SHROOM3: variants seen among roughly 807,000 people sequenced by gnomAD.
SHROOM3 encodes shroom family member 3.
SHROOM3 carries 47 observed loss-of-function variants against 138.6 expected under a neutral mutation model. That is an observed-to-expected ratio of 0.34 (90% CI 0.27 to 0.43). The LOEUF is 0.43. Among genes scored for constraint, SHROOM3 ranks in the 20% least tolerant of loss-of-function variants. The probability of loss-of-function intolerance (pLI) is 1.00; values close to 1 mark genes in which losing one functional copy is unlikely to be tolerated. For missense variants in SHROOM3, 2,491 were observed against 2,596.5 expected, an observed-to-expected ratio of 0.96 and a Z score of 0.88; for synonymous variants, 1,062 against 1,063.3, an observed-to-expected ratio of 1.00 and a Z score of 0.02.
At chr4:76,623,410 T>G (rs986624922) in intron 2 of SHROOM3, among the ~76,000 whole-genome samples, 1 of 152,236 alleles carries the variant, frequency 6.6e-6, no homozygotes, top group Non-Finnish European at 1.5e-5. Context: ...CCAGTCTGTC[T>G]GCCTGGTCAC....
intron 8 of SHROOM3, 49 bp downstream of exon 8, chr4:76,756,986 C>T (rs373526030): frequency 1.9e-6 from 3 of 1,612,460 alleles, no homozygotes; most frequent in African/African-American, 2.7e-5. Context: ...ACACTCCTTC[C>T]ATGGGGATGA....
intron 2 of SHROOM3, among the ~76,000 whole-genome samples, chr4:76,679,396 G>A (rs1459846956): frequency 6.6e-6 from 1 of 151,944 alleles, no homozygotes; most frequent in Non-Finnish European, 1.5e-5. Flanking sequence ...CAGTCATCAG[G>A]CAGCTTCTCA....
intron 1 of SHROOM3, among the ~76,000 whole-genome samples, chr4:76,479,128 G>T (rs1731549430): frequency 6.6e-6 from 1 of 152,018 alleles, no homozygotes; most frequent in African/African-American, 2.4e-5. Flanking sequence ...GATGGAGAAT[G>T]AGTTTGACAA....
intron 2 of SHROOM3, among the ~76,000 whole-genome samples, chr4:76,569,321 A>C (rs1385531013): frequency 6.6e-6 from 1 of 152,160 alleles, no homozygotes; most frequent in African/African-American, 2.4e-5. Flanking sequence ...TACGGGGTGG[A>C]TGGGTGAGAG....
intron 2 of SHROOM3, among the ~76,000 whole-genome samples, chr4:76,690,877 C>A (rs1719510993): frequency 6.6e-6 from 1 of 151,786 alleles, no homozygotes; most frequent in African/African-American, 2.4e-5. Flanking sequence ...TGCTAACAAT[C>A]CTGGTTTAGG....
chr4:76,442,678 G>A (rs1482772448), intron 1 of SHROOM3, among the ~76,000 whole-genome samples: 1 of 151,836 alleles, frequency 6.6e-6, no homozygotes, highest in Non-Finnish European at 1.5e-5. Flanking sequence ...CAAAGTGCTG[G>A]GATTACAGGC....
At chr4:76,473,256 T>A (rs1731417023) in intron 1 of SHROOM3, among the ~76,000 whole-genome samples, 1 of 152,246 alleles carries the variant, frequency 6.6e-6, no homozygotes, top group African/African-American at 2.4e-5. Context: ...AAAATATTTG[T>A]AAATTTTCTA....
chr4:76,520,072 A>C (rs1283093358), intron 1 of SHROOM3, among the ~76,000 whole-genome samples: 1 of 152,196 alleles, frequency 6.6e-6, no homozygotes, highest in Non-Finnish European at 1.5e-5. Context: ...CCAGAGTGGA[A>C]CTGAATACTC....
rs189150463 is a variant in SHROOM3 at position 76,443,645 on chromosome 4, C to A, written c.168+7425C>A. Among the ~76,000 whole-genome samples the A allele has an allele frequency of 3.3e-5, 5 of 152,132 alleles. No homozygotes were observed. In the East Asian group the frequency reaches 5.8e-4, roughly 18 times the overall value. On this transcript the variant is annotated intron_variant, in intron 1 of 10. Transcript: ENST00000296043. ...CACTTCTCAATGAAACAAAATGAGG[C>A]AAAGATTCTCTACTAAATCTAAGCA... is the stretch of plus-strand genomic sequence containing the variant.
chr4:76,493,000 C>G (rs1352107757), intron 1 of SHROOM3, among the ~76,000 whole-genome samples: 1 of 152,078 alleles, frequency 6.6e-6, no homozygotes, highest in African/African-American at 2.4e-5. Flanking sequence ...GTGGGTGAAT[C>G]ACCTGAGGTC....
At chr4:76,480,451 A>G (rs1731583573) in intron 1 of SHROOM3, among the ~76,000 whole-genome samples, 1 of 152,256 alleles carries the variant, frequency 6.6e-6, no homozygotes, top group Non-Finnish European at 1.5e-5. Context: ...TCCTAAATAC[A>G]TATGCACCCA....
intron 2 of SHROOM3, among the ~76,000 whole-genome samples, chr4:76,610,291 A>G (rs1734734858): frequency 1.3e-5 from 2 of 152,182 alleles, no homozygotes; most frequent in Admixed American, 6.5e-5. Flanking sequence ...AGATGTTGGC[A>G]TTTTGTGGAA....
intron 1 of SHROOM3, among the ~76,000 whole-genome samples, chr4:76,545,176 A>G (rs1286480503): frequency 2.6e-5 from 4 of 152,090 alleles, no homozygotes; most frequent in Non-Finnish European, 5.9e-5. Context: ...AACAATGGAC[A>G]TAAATATTGA....
In SHROOM3 at chr4:76,527,357, C is replaced by T. The variant is rs772404933; in HGVS notation, c.169-28252C>T. ...CAGCACTTTGAGAGGCCAAGGCGGC[C>T]GGATTGCCTGAGGTCAGGAGTTTGA... is the stretch of plus-strand genomic sequence containing the variant. On this transcript the variant is annotated intron_variant, in intron 1 of 10. Transcript: ENST00000296043. Among the ~76,000 whole-genome samples the T allele has an allele frequency of 8.6e-4, 131 of 152,220 alleles. 1 individual carries two copies. Among genetic ancestry groups the T allele is most frequent in the African/African-American group, 2.9e-3 (121 of 41,532 alleles).
At position 76,551,472 on chromosome 4, in the gene SHROOM3, G is replaced by A. The variant is rs115874875; in HGVS notation, c.169-4137G>A. Among the ~76,000 whole-genome samples the A allele has an allele frequency of 5.6e-3, 854 of 152,292 alleles. 11 individuals are homozygous for A. Among genetic ancestry groups the A allele is most frequent in the African/African-American group, 0.019 (808 of 41,566 alleles). On this transcript the variant is annotated intron_variant, in intron 1 of 10. Coordinates refer to ENST00000296043, the MANE Select transcript of SHROOM3 (RefSeq NM_020859.4). ...CACAAACTGCAACATGAGCAAGACC[G>A]TATCTACAGTGTTCATCACTGTACT...
chr4:76,637,649 A>C (rs1366286142), intron 2 of SHROOM3: 1 of 152,190 alleles, frequency 6.6e-6, no homozygotes, highest in African/African-American at 2.4e-5. Flanking sequence ...AGGAGAAACA[A>C]ACTGTGAAGG....
At chr4:76,482,338 A>G (rs1462178190) in intron 1 of SHROOM3, among the ~76,000 whole-genome samples, 1 of 152,200 alleles carries the variant, frequency 6.6e-6, no homozygotes, top group African/African-American at 2.4e-5. Flanking sequence ...CGGAAAAATC[A>G]CAAGCATTCC....
intron 2 of SHROOM3, among the ~76,000 whole-genome samples, chr4:76,679,003 GT>G (rs1194993578): frequency 2.0e-5 from 3 of 152,142 alleles, no homozygotes; most frequent in Admixed American, 1.3e-4. Context: ...TGTTGTTGAT[GT>G]TTTTTATTGT....
At chr4:76,692,707 A>AACCTGGATGAG (rs1345359185) in intron 2 of SHROOM3, among the ~76,000 whole-genome samples, 1 of 152,216 alleles carries the variant, frequency 6.6e-6, no homozygotes, top group African/African-American at 2.4e-5. Context: ...TTGATACAAA[A>AACCTGGATGAG]ACCTGGATGA....
Sources: allele counts gnomAD v4.1 joint callset (sites outside exome capture counted in the v4.1 genomes callset), GRCh38; gene constraint gnomAD v4.1.1; transcripts MANE v1.5; gene names NCBI Gene and HGNC (gene_info 2026-07-23, HGNC 2026-07-21).